Variants in MACF1 observed in about 807,000 individuals in gnomAD.
MACF1 encodes the protein microtubule actin crosslinking factor 1, also known as microtubule-actin cross-linking factor 1.
A neutral mutation model predicts 854.8 loss-of-function variants in MACF1; 193 were observed. The observed-to-expected ratio is 0.23, with a 90% CI of 0.20 to 0.25. The LOEUF (loss-of-function observed/expected upper bound fraction) is 0.25. MACF1 is among the 10% of genes least tolerant of loss of function. MACF1 has a pLI of 1.00. For synonymous variants in MACF1, 3,185 were observed against 3,226.7 expected (o/e 0.99, Z 0.44); for missense variants, 7,722 against 8,929.1 (o/e 0.86, Z 5.45).
At chr1:39,149,862 GTCT>G (rs1242869341) in intron 2 of MACF1, among the ~76,000 whole-genome samples, 4 of 152,170 alleles carry the variant, frequency 2.6e-5, no homozygotes, top group African/African-American at 9.7e-5. Context: ...CCTGTAGGAA[GTCT>G]TCTTTGATCT....
chr1:39,126,474 G>A (rs1165086484), intron 2 of MACF1, among the ~76,000 whole-genome samples: 1 of 152,150 alleles, frequency 6.6e-6, no homozygotes, highest in Non-Finnish European at 1.5e-5. Context: ...TCTTTCTGGG[G>A]GATACAATTC....
At chr1:39,479,254 T>C (rs1644970736) in intron 97 of MACF1, among the ~76,000 whole-genome samples, 1 of 152,254 alleles carries the variant, frequency 6.6e-6, no homozygotes, top group Admixed American at 6.5e-5. Flanking sequence ...ACATGTTTAC[T>C]TCTTAATGAT....
rs114460000 is a variant in MACF1 at position 39,458,827 on chromosome 1, G to A, written c.21197-259G>A. 4,829 of 491,902 alleles carry A rather than the reference G, an allele frequency of 9.8e-3. 212 individuals are homozygous for A. The highest frequency in any genetic ancestry group is 0.086 in the African/African-American group (4,454 of 51,670). The allele number at this position is 491,902 out of a possible 1,614,324, so 30.5% of individuals were successfully genotyped here. On this transcript the variant is annotated intron_variant, in intron 90 of 100. Transcript: ENST00000564288. ...TTCTACAGAATATGTTGCTTTTTTA[G>A]TTGAGTTAACGTGTCATCAGCTCAC...
In MACF1 at chr1:39,340,651, C is replaced by G; in HGVS notation, c.10365C>G (p.Leu3455=). The change falls in exon 39 of 101, where the codon CTC becomes CTG. Residue 3455 remains leucine (L), a synonymous_variant. Coordinates refer to ENST00000564288, the MANE Select transcript of MACF1 (RefSeq NM_001394062.1). The stretch of plus-strand genomic sequence containing the variant: ...ATGCCAAGAATCTTCAGAAGTCTCT[C>G]AGCTCTGTGAGTGACACTTGGAATT... The part of the protein sequence containing the change: ...EKDAKNLQKS[L]SSVSDTWNSR... 1 of 1,614,202 alleles carries G rather than the reference C, an allele frequency of 6.2e-7. No homozygotes were observed. The highest frequency in any genetic ancestry group is 8.5e-7 in the Non-Finnish European group (1 of 1,180,030).
chr1:39,303,712 A>AT (rs1646101493), intron 23 of MACF1, among the ~76,000 whole-genome samples: 1 of 151,584 alleles, frequency 6.6e-6, no homozygotes, highest in Non-Finnish European at 1.5e-5. Context: ...AAAAAAAAAA[A>AT]AATTTGCCGG....
At chr1:39,181,400 G>A (rs1310126048) in intron 2 of MACF1, among the ~76,000 whole-genome samples, 1 of 152,142 alleles carries the variant, frequency 6.6e-6, no homozygotes, top group Non-Finnish European at 1.5e-5. Flanking sequence ...TTGTTAAGAT[G>A]GCAGCACTCC....
At chr1:39,282,111 C>A in intron 6 of MACF1, 97 bp from the exon 7 acceptor site, 1 of 1,291,102 alleles carries the variant, frequency 7.7e-7, no homozygotes, top group Non-Finnish European at 1.1e-6. Flanking sequence ...CAGCCTTGGA[C>A]CTTCGTTTTA....
chr1:39,360,856 A>G lies in MACF1; in HGVS notation c.12308A>G (p.Gln4103Arg). 1 of 1,614,068 alleles carries G rather than the reference A, an allele frequency of 6.2e-7. No homozygotes were observed. Among genetic ancestry groups the G allele is most frequent in the Non-Finnish European group, 8.5e-7 (1 of 1,180,010 alleles). ...CTGGCTGAGCGATCTTCTCTGCTGCAGAAAGCAATTGCCCAATCTCAGAGT... is the reference window on the plus strand; with the variant it reads ...CTGGCTGAGCGATCTTCTCTGCTGCGGAAAGCAATTGCCCAATCTCAGAGT... ...YSLAERSSLL[Q>R]KAIAQSQSVQ... The change falls in exon 48 of 101, where the codon CAG (glutamine) becomes CGG (arginine). Residue 4103 changes from glutamine (Q) to arginine (R), a missense_variant. Coordinates refer to ENST00000564288, the MANE Select transcript of MACF1 (RefSeq NM_001394062.1).
rs776175042 is a variant in MACF1, at chr1:39,437,973, G to A, written c.18185G>A (p.Arg6062Gln). The part of the protein sequence containing the change: ...LKRRGEELIG[R>Q]SQGADKDLAA... ...CGCCGTGGAGAGGAGCTTATTGGAC[G>A]ATCTCAGGGAGCAGACAAGGATCTG... Residue 6062 changes from arginine (R) to glutamine (Q), a missense_variant, in exon 71 of 101, where the codon CGA (arginine) becomes CAA (glutamine). By Grantham distance (43) the Arg-to-Gln change is conservative (BLOSUM62 1). Around this residue, in one of 15 missense-constraint regions of MACF1, gnomAD observed 2,807 missense variants for 3,235.8 expected, o/e 0.87. Coordinates refer to ENST00000564288, the MANE Select transcript of MACF1 (RefSeq NM_001394062.1). The A allele has an allele frequency of 2.5e-6, 4 of 1,614,094 alleles. No homozygotes were observed. Among genetic ancestry groups the A allele is most frequent in the East Asian group, 2.2e-5 (1 of 44,866 alleles).
rs757111628 is a variant in MACF1, at chr1:39,422,356, T to C, written c.15817-18T>C. On this transcript the variant is annotated intron_variant, in intron 58 of 100. Transcript: ENST00000564288. ...AATAGCCTTTGTATTAAATCTTCTTTGGCTTGTAATTATCTAGATGTTTCA... is the reference window on the plus strand; with the variant it reads ...AATAGCCTTTGTATTAAATCTTCTTCGGCTTGTAATTATCTAGATGTTTCA... 5.6e-6 allele frequency: 9 copies of C among 1,611,410 alleles called. No homozygotes were observed. The East Asian group carries it at 1.8e-4, about 32-fold the overall frequency.
chr1:39,310,548 AC>A, intron 25 of MACF1, 120 bp downstream of exon 25: 1 of 1,099,570 alleles, frequency 9.1e-7, no homozygotes, highest in South Asian at 1.7e-5. Flanking sequence ...TTGAGTAGCT[AC>A]GAACTTGAGA....
At chr1:39,302,388 GA>G (rs112723241) in intron 22 of MACF1, among the ~76,000 whole-genome samples, 8,410 of 151,890 alleles carry the variant, frequency 0.055, 295 homozygotes, top group African/African-American at 0.097. Context: ...TTAAGAAATG[GA>G]AAAAAAATTT....
At chr1:39,300,652 C>G (rs748608401) in intron 22 of MACF1, among the ~76,000 whole-genome samples, 2 of 152,278 alleles carry the variant, frequency 1.3e-5, no homozygotes, top group Admixed American at 6.5e-5. Context: ...TTGACTCCCC[C>G]ACCCCTCTTA....
At chr1:39,103,454 T>C (rs891973321) in intron 2 of MACF1, 20 of 164,180 alleles carry the variant, frequency 1.2e-4, no homozygotes, top group Non-Finnish European at 1.5e-4. Context: ...TAAAATAATA[T>C]GGGAAATGCA....
intron 84 of MACF1, among the ~76,000 whole-genome samples, chr1:39,449,886 A>T (rs1644303081): frequency 7.0e-6 from 1 of 142,352 alleles, no homozygotes; most frequent in African/African-American, 2.6e-5. Flanking sequence ...TTGAGATGGA[A>T]TCTCCCTCTG....
intron 90 of MACF1, chr1:39,458,851 A>G (rs1644494358): frequency 5.7e-6 from 3 of 521,798 alleles, no homozygotes; most frequent in Non-Finnish European, 3.3e-6. Context: ...TCATCAGCTC[A>G]CTAAGGTAGG....
intron 52 of MACF1, chr1:39,372,814 A>G: frequency 6.6e-6 from 3 of 455,846 alleles, no homozygotes; most frequent in Non-Finnish European, 1.2e-5. Flanking sequence ...GAAAAAGTAA[A>G]TGAACTAGTT....
intron 55 of MACF1, among the ~76,000 whole-genome samples, chr1:39,380,921 C>A (rs750029164): frequency 6.6e-6 from 1 of 150,572 alleles, no homozygotes; most frequent in Non-Finnish European, 1.5e-5. Flanking sequence ...CCAAAAAAAA[C>A]GTAACAAAAG....
chr1:39,136,295 T>C (rs7519309), intron 2 of MACF1, among the ~76,000 whole-genome samples: 1 of 152,194 alleles, frequency 6.6e-6, no homozygotes, highest in African/African-American at 2.4e-5. Context: ...GAAAGACTGC[T>C]ATCCAGCTGT....
Sources: gnomAD v4.1 joint callset for allele counts (sites outside exome capture counted in the v4.1 genomes callset) on GRCh38, gnomAD v4.1.1 for gene constraint, gnomAD v4.1.1 regional missense constraint, MANE v1.5 for transcripts, NCBI Gene and HGNC (gene_info 2026-07-23, HGNC 2026-07-21) for gene names.